Variants in FBXO25 observed in about 807,000 individuals in gnomAD.
The protein encoded by FBXO25 is F-box protein 25.
In FBXO25, 45 loss-of-function variants were observed where a neutral mutation model predicts 51.9. That is an observed-to-expected ratio of 0.87 (90% CI 0.68 to 1.11). The LOEUF (loss-of-function observed/expected upper bound fraction) is 1.11, where lower values mean the gene tolerates loss of function less well. FBXO25 is among the 50% of genes most tolerant of loss of function. FBXO25 has a pLI of 0.00. For synonymous variants in FBXO25, 199 were observed against 151.0 expected (o/e 1.32, Z -2.33); for missense variants, 507 against 428.5 (o/e 1.18, Z -1.62).
intron 5 of FBXO25, among the ~76,000 whole-genome samples, chr8:449,411 T>A (rs775040549): frequency 2.4e-4 from 37 of 152,360 alleles, no homozygotes; most frequent in Admixed American, 9.1e-4. Flanking sequence ...TTACTGTGGC[T>A]TCCCAGAATA....
At chr8:418,713 G>A (rs1341000773) in intron 2 of FBXO25, among the ~76,000 whole-genome samples, 1 of 152,102 alleles carries the variant, frequency 6.6e-6, no homozygotes, top group Non-Finnish European at 1.5e-5. Context: ...AAAAAACTAA[G>A]AAGATAAGAA....
chr8:458,771 C>T (rs1799617393), intron 8 of FBXO25, among the ~76,000 whole-genome samples: 1 of 152,108 alleles, frequency 6.6e-6, no homozygotes, highest in African/African-American at 2.4e-5. Flanking sequence ...TAAAAATAAC[C>T]CAAAACTGAA....
chr8:441,839 CATT>C (rs1205219385), intron 5 of FBXO25, among the ~76,000 whole-genome samples: 1 of 152,146 alleles, frequency 6.6e-6, no homozygotes, highest in Non-Finnish European at 1.5e-5. Flanking sequence ...GGATGGCTAT[CATT>C]AAAAAGTCAG....
chr8:415,951 A>T (rs1473125943), intron 2 of FBXO25, among the ~76,000 whole-genome samples: 1 of 152,182 alleles, frequency 6.6e-6, no homozygotes, highest in Non-Finnish European at 1.5e-5. Context: ...TGTTGAGGAT[A>T]TATAAGAAGT....
intron 7 of FBXO25, among the ~76,000 whole-genome samples, chr8:455,716 T>G (rs919392328): frequency 6.6e-6 from 1 of 152,220 alleles, no homozygotes; most frequent in Non-Finnish European, 1.5e-5. Context: ...AGCAGCAGCA[T>G]CGTTTCTTCC....
chr8:474,795 C>T lies in FBXO25; in HGVS notation c.*5991C>T, dbSNP rs773734031. 3.8e-5 allele frequency: 17 copies of T among 451,814 alleles called. No individual in the cohort carries two copies. The highest frequency in any genetic ancestry group is 2.7e-4 in the South Asian group (17 of 63,290). The allele number at this position is 451,814 out of a possible 1,614,324, so 28.0% of individuals were successfully genotyped here. On this transcript the variant is annotated 3_prime_UTR_variant, in exon 10 of 10. Coordinates refer to ENST00000350302, the MANE Select transcript of FBXO25 (RefSeq NM_183420.2). ...ATACTTTGTCCCATTCCGTGGATTG[C>T]CTTTCACTCTGTTTTGTTCTTTGAT...
chr8:453,317 T>G (rs1485647974), intron 7 of FBXO25, among the ~76,000 whole-genome samples: 1 of 152,158 alleles, frequency 6.6e-6, no homozygotes, highest in Non-Finnish European at 1.5e-5. Context: ...CTGCCTGGCA[T>G]CTCTTCACCT....
At chr8:421,600 T>C (rs1266581570) in intron 2 of FBXO25, among the ~76,000 whole-genome samples, 1 of 152,190 alleles carries the variant, frequency 6.6e-6, no homozygotes, top group Non-Finnish European at 1.5e-5. Flanking sequence ...ACTAGGGCTG[T>C]TGGTTTTTTC....
intron 1 of FBXO25, 39 bp from the exon 2 acceptor site, chr8:413,034 A>G (rs763351710): frequency 1.4e-6 from 2 of 1,385,056 alleles, no homozygotes; most frequent in Non-Finnish European, 1.9e-6. Flanking sequence ...ACTTTTATGA[A>G]TTATATATAC....
chr8:451,008 G>T (rs1428924848), intron 6 of FBXO25: 3 of 297,102 alleles, frequency 1.0e-5, no homozygotes, highest in Non-Finnish European at 1.8e-5. Context: ...GTAAGTGGGT[G>T]CCTCATGTAA....
chr8:423,792 C>G (rs1381727074), intron 2 of FBXO25, among the ~76,000 whole-genome samples: 1 of 152,148 alleles, frequency 6.6e-6, no homozygotes, highest in Non-Finnish European at 1.5e-5. Flanking sequence ...GATTTATTTT[C>G]TTTTGGATAT....
rs1287001361 is a variant in FBXO25, at chr8:458,383, C to A, written c.675C>A (p.Gly225=). Residue 225 remains glycine (G), a synonymous_variant, in exon 8 of 10, where the codon GGC becomes GGA. Coordinates refer to ENST00000350302, the MANE Select transcript of FBXO25 (RefSeq NM_183420.2). ...TTTCCTTTCAGCAAGTGAACAATGG[C>A]CTCACCCTCAGTGACCTTCCTCTGC... ...DLQMTKQVNN[G]LTLSDLPLHM... is the part of the protein sequence containing the mutation. The A allele has an allele frequency of 1.2e-6, 2 of 1,613,362 alleles. No individual in the cohort carries two copies. The highest frequency in any genetic ancestry group is 1.1e-5 in the South Asian group (1 of 90,890).
intron 5 of FBXO25, 30 bp from the exon 6 acceptor site, chr8:449,960 C>T (rs12548083): frequency 0.055 from 78,181 of 1,434,298 alleles, 2,401 homozygotes; most frequent in Middle Eastern, 0.072. Flanking sequence ...ATATATATAT[C>T]GCTCAGCTTT....
chr8:446,615 C>A lies in FBXO25; in HGVS notation c.382-3375C>A, dbSNP rs529279261. Among the ~76,000 whole-genome samples, 3 of 152,280 alleles carry A rather than the reference C, an allele frequency of 2.0e-5. No individual in the cohort carries two copies. The East Asian group carries it at 5.8e-4, about 29-fold the overall frequency. On this transcript the variant is annotated intron_variant, in intron 5 of 9. Coordinates refer to ENST00000350302, the MANE Select transcript of FBXO25 (RefSeq NM_183420.2). ...CAGGGAAAAGGGGTGCTATTCAACA[C>A]TAAAACAAGGAATTTAATAACAATA...
intron 5 of FBXO25, among the ~76,000 whole-genome samples, chr8:444,772 A>G (rs1199086666): frequency 2.6e-5 from 4 of 152,156 alleles, no homozygotes; most frequent in Non-Finnish European, 5.9e-5. Flanking sequence ...GTTTAGATAT[A>G]TTTAGATATA....
chr8:441,880 G>T (rs1464013983), intron 5 of FBXO25, among the ~76,000 whole-genome samples: 2 of 152,206 alleles, frequency 1.3e-5, no homozygotes, highest in Non-Finnish European at 2.9e-5. Context: ...AGAGGACGTG[G>T]AGAAATAGGA....
At chr8:451,842 C>G (rs1424740710) in intron 7 of FBXO25, among the ~76,000 whole-genome samples, 1 of 152,182 alleles carries the variant, frequency 6.6e-6, no homozygotes, top group African/African-American at 2.4e-5. Context: ...TTCTTCCTTG[C>G]TGTCTTTTTT....
At position 463,006 on chromosome 8, in the gene FBXO25, G is replaced by C. The variant is rs771284749; in HGVS notation, c.844-1G>C. 1 of 1,607,236 alleles carries C rather than the reference G, an allele frequency of 6.2e-7. No individual in the cohort carries two copies. Among genetic ancestry groups the C allele is most frequent in the Non-Finnish European group, 8.5e-7 (1 of 1,178,352 alleles). On this transcript the variant is annotated splice_acceptor_variant, in intron 8 of 9. Coordinates refer to ENST00000350302, the MANE Select transcript of FBXO25 (RefSeq NM_183420.2). LOFTEE classifies it high-confidence loss of function. ...TTCTGAATGGAGTTTTGTTTGTTTA[G>C]TTTTGTAGACATTTGATCCTTTCAG...
Position 413,078 on chromosome 8 carries a change from C to G in FBXO25, c.-2C>G, listed in dbSNP as rs1338226553. ...ATAATTTAACTTTTTCATAGGAGAA[C>G]TATGCCATTTTTGGGTCAGGACTGG... On this transcript the variant is annotated 5_prime_UTR_variant, in exon 2 of 10. Transcript: ENST00000350302. The G allele has an allele frequency of 4.0e-6, 6 of 1,509,852 alleles. No individual in the cohort carries two copies. Among genetic ancestry groups the G allele is most frequent in the East Asian group, 2.4e-5 (1 of 41,546 alleles). The allele number at this position is 1,509,852 out of a possible 1,614,324, so 93.5% of individuals were successfully genotyped here.
Sources: allele counts gnomAD v4.1 joint callset (sites outside exome capture counted in the v4.1 genomes callset), GRCh38; gene constraint gnomAD v4.1.1; transcripts MANE v1.5; gene names NCBI Gene and HGNC (gene_info 2026-07-23, HGNC 2026-07-21).